The following CLUL1 variants were observed in gnomAD, a reference collection of about 807,000 sequenced individuals.
CLUL1 encodes clusterin-like protein 1.
CLUL1 carries 43 observed loss-of-function variants against 49.4 expected under a neutral mutation model. That is an observed-to-expected ratio of 0.87 (90% CI 0.68 to 1.12). The LOEUF (loss-of-function observed/expected upper bound fraction) is 1.12, where lower values mean the gene tolerates loss of function less well. Ranked by LOEUF, CLUL1 falls within the 50% of genes most tolerant of loss-of-function variation. The pLI is 0.00. For synonymous variants in CLUL1, 192 were observed against 184.9 expected (o/e 1.04, Z -0.31); for missense variants, 486 against 544.4 (o/e 0.89, Z 1.07).
intron 7 of CLUL1, among the ~76,000 whole-genome samples, chr18:638,729 G>A (rs923265355): frequency 1.3e-5 from 2 of 151,726 alleles, no homozygotes; most frequent in South Asian, 2.1e-4. Flanking sequence ...GTGGTGGTAC[G>A]CACCTGTAGT....
Position 606,944 on chromosome 18 carries a change from A to G in CLUL1, c.-135-34A>G. Reference sequence around the variant, plus strand: ...TGTAATAATTTTAGGCGGCTCCCTAAAATTTCTTTTCTTTTTTCTTTTCTT... The same window carrying G: ...TGTAATAATTTTAGGCGGCTCCCTAGAATTTCTTTTCTTTTTTCTTTTCTT... On this transcript the variant is annotated intron_variant, in intron 1 of 9. Transcript: ENST00000692774. This position sits in a 1 kb window ranked among gnomAD's most constrained non-coding sequence, Gnocchi z 4.1. 1.7e-6 allele frequency: 1 copy of G among 598,160 alleles called. No homozygotes were observed. The allele number at this position is 598,160 out of a possible 1,614,324, so 37.1% of individuals were successfully genotyped here.
intron 9 of CLUL1, among the ~76,000 whole-genome samples, chr18:647,472 C>T (rs770285212): frequency 1.3e-5 from 2 of 152,164 alleles, no homozygotes; most frequent in Non-Finnish European, 2.9e-5. Context: ...CAGGCAGAAA[C>T]GGGTCAGGTC....
chr18:622,446 A>G (rs1377982779), intron 4 of CLUL1, among the ~76,000 whole-genome samples: 2 of 152,218 alleles, frequency 1.3e-5, no homozygotes, highest in African/African-American at 4.8e-5. Context: ...ACTAGCCACC[A>G]TGCCTGGCTC....
At chr18:605,763 G>A (rs569700476) in intron 1 of CLUL1, among the ~76,000 whole-genome samples, 6 of 152,074 alleles carry the variant, frequency 3.9e-5, no homozygotes, top group South Asian at 2.1e-4. Flanking sequence ...TGCAACCTCC[G>A]CCTACCAGGT....
At chr18:631,434 C>T (rs2073992088) in intron 6 of CLUL1, among the ~76,000 whole-genome samples, 1 of 152,074 alleles carries the variant, frequency 6.6e-6, no homozygotes, top group Non-Finnish European at 1.5e-5. Context: ...TTAATTTTCG[C>T]GTGGGAGAAA....
At chr18:600,280 A>C (rs1243386907) in intron 1 of CLUL1, among the ~76,000 whole-genome samples, 1 of 152,184 alleles carries the variant, frequency 6.6e-6, no homozygotes, top group Non-Finnish European at 1.5e-5. Flanking sequence ...AGGACACATA[A>C]ATCAGTCTCT....
chr18:641,238 G>C, intron 7 of CLUL1, 89 bp from the exon 8 acceptor site: 1 of 1,024,516 alleles, frequency 9.8e-7, no homozygotes, highest in African/African-American at 1.6e-5. Context: ...GGAAAATAGA[G>C]AATGTAAGGG....
intron 6 of CLUL1, among the ~76,000 whole-genome samples, chr18:631,967 G>A (rs746806405): frequency 6.6e-6 from 1 of 152,222 alleles, no homozygotes; most frequent in Non-Finnish European, 1.5e-5. Flanking sequence ...CACCAAAGGG[G>A]ATGGGTGCCT....
chr18:630,672 C>CTTTTTTTTTTTTTTTTTTTTTT (rs36222515), intron 6 of CLUL1, among the ~76,000 whole-genome samples: 1 of 61,998 alleles, frequency 1.6e-5, no homozygotes, highest in African/African-American at 7.2e-5. Flanking sequence ...CTACTGACAT[C>CTTTTTTTTTTTTTTTTTTTTTT]TTTTTTTTTT....
intron 8 of CLUL1, among the ~76,000 whole-genome samples, chr18:644,633 C>T (rs1034341604): frequency 6.6e-6 from 1 of 152,204 alleles, no homozygotes; most frequent in South Asian, 2.1e-4. Flanking sequence ...TCTTTTTCTG[C>T]TGAGGGCACA....
intron 8 of CLUL1, among the ~76,000 whole-genome samples, chr18:641,842 G>A (rs1025697218): frequency 1.9e-4 from 29 of 152,180 alleles, no homozygotes; most frequent in African/African-American, 6.5e-4. Flanking sequence ...TATGGCCAAT[G>A]TAGGTTTTAG....
intron 2 of CLUL1, among the ~76,000 whole-genome samples, chr18:608,614 A>G (rs2073047189): frequency 6.6e-6 from 1 of 152,140 alleles, no homozygotes; most frequent in African/African-American, 2.4e-5. Flanking sequence ...GTGCTTTAGG[A>G]GGCTGAGGTG....
intron 2 of CLUL1, among the ~76,000 whole-genome samples, chr18:613,475 G>T (rs2073203200): frequency 7.3e-6 from 1 of 137,796 alleles, no homozygotes; most frequent in Non-Finnish European, 1.5e-5. Flanking sequence ...TTTTTTTTGA[G>T]ATGGAGTCTC....
At chr18:616,295 A>C (rs2073288774) in intron 2 of CLUL1, among the ~76,000 whole-genome samples, 1 of 152,196 alleles carries the variant, frequency 6.6e-6, no homozygotes, top group African/African-American at 2.4e-5. Context: ...AAAAATGCCA[A>C]ACGAGAAAAC....
At chr18:627,599 G>GT in intron 6 of CLUL1, 70 bp downstream of exon 6, 2 of 1,087,534 alleles carry the variant, frequency 1.8e-6, no homozygotes, top group Non-Finnish European at 2.6e-6. Context: ...CTTCAGAAAT[G>GT]GTAGACATTT....
Position 618,153 on chromosome 18 carries a change from T to C in CLUL1, c.106+47T>C. On this transcript the variant is annotated intron_variant, in intron 3 of 9. Coordinates refer to ENST00000692774, the MANE Select transcript of CLUL1 (RefSeq NM_001393344.1). This position sits in a 1 kb window ranked among gnomAD's most constrained non-coding sequence, Gnocchi z 4.2. ...TGCTGTGTCCTGTTTGCATGTTGGT[T>C]GTCCTGCTGGCGTTTATAGTGAGTC... is the stretch of plus-strand genomic sequence containing the variant. 7.1e-7 allele frequency: 1 copy of C among 1,416,514 alleles called. No individual in the cohort carries two copies. The highest frequency in any genetic ancestry group is 1.0e-6 in the Non-Finnish European group (1 of 1,002,028). The allele number at this position is 1,416,514 out of a possible 1,614,324, so 87.7% of individuals were successfully genotyped here.
At chr18:636,025 G>A (rs757131360) in intron 7 of CLUL1, among the ~76,000 whole-genome samples, 4 of 152,090 alleles carry the variant, frequency 2.6e-5, no homozygotes, top group Admixed American at 6.6e-5. Flanking sequence ...GTGAGCCATC[G>A]CGCCTGGCCA....
At chr18:644,193 C>G (rs1247134136) in intron 8 of CLUL1, among the ~76,000 whole-genome samples, 1 of 152,118 alleles carries the variant, frequency 6.6e-6, no homozygotes, top group Non-Finnish European at 1.5e-5. Context: ...GTATGTTATA[C>G]TCACAGAAAG....
intron 7 of CLUL1, among the ~76,000 whole-genome samples, chr18:633,768 G>A (rs1240719515): frequency 1.3e-5 from 2 of 150,618 alleles, no homozygotes; most frequent in Non-Finnish European, 3.0e-5. Context: ...GTGGTCTGGA[G>A]GGAAAAATGG....
Sources: allele counts gnomAD v4.1 joint callset (sites outside exome capture counted in the v4.1 genomes callset), GRCh38; gene constraint gnomAD v4.1.1; non-coding constraint Gnocchi (gnomAD v3.1); transcripts MANE v1.5; gene names NCBI Gene and HGNC (gene_info 2026-07-23, HGNC 2026-07-21).